MIDEAS: variants seen among roughly 807,000 people sequenced by gnomAD.
The protein encoded by MIDEAS is mitotic deacetylase-associated SANT domain protein.
A neutral mutation model predicts 102.7 loss-of-function variants in MIDEAS; 26 were observed. The observed-to-expected ratio is 0.25, with a 90% confidence interval of 0.19 to 0.35. MIDEAS has a LOEUF of 0.35. Ranked by LOEUF, MIDEAS falls within the 10% of genes least tolerant of loss-of-function variation. The pLI is 1.00. For synonymous variants in MIDEAS, 585 were observed against 591.0 expected (o/e 0.99, Z 0.15); for missense variants, 1,231 against 1,435.6 (o/e 0.86, Z 2.30).
chr14:73,731,979 T>C (rs938574118), intron 3 of MIDEAS, among the ~76,000 whole-genome samples: 3 of 152,202 alleles, frequency 2.0e-5, no homozygotes, highest in African/African-American at 7.2e-5. Context: ...CAGGCAGGGA[T>C]TGAGGAGATC....
At chr14:73,734,465 T>C (rs148799275) in intron 3 of MIDEAS, among the ~76,000 whole-genome samples, 23,030 of 152,180 alleles carry the variant, frequency 0.15, 2,091 homozygotes, top group South Asian at 0.28. Context: ...TGGAGTGCAG[T>C]GGCACAATCA....
At chr14:73,730,196 A>T (rs779365902) in intron 3 of MIDEAS, 17 of 712,476 alleles carry the variant, frequency 2.4e-5, no homozygotes, top group Non-Finnish European at 3.6e-5. Context: ...GGGGCCAGAG[A>T]GTAAATATTT....
Position 73,738,854 on chromosome 14 carries a change from C to T in MIDEAS, c.1155G>A (p.Pro385=), listed in dbSNP as rs375596571. The T allele has an allele frequency of 1.5e-5, 24 of 1,570,834 alleles. No homozygotes were observed. The highest frequency in any genetic ancestry group is 2.7e-5 in the African/African-American group (2 of 73,732). ...GGGGCTGCCCCAGGGAGCCAGGTGG[C>T]GGCTGCTGCAGGGGCCAGTGATGTA... The part of the protein sequence containing the change: ...LFLHHWPLQQ[P]PPGSLGQPHP... The change falls in exon 2 of 13, where the codon CCG becomes CCA. Residue 385 remains proline, a synonymous_variant. Coordinates refer to ENST00000423556, the MANE Select transcript of MIDEAS (RefSeq NM_001367710.1).
At chr14:73,720,242 T>A (rs1448100736) in intron 11 of MIDEAS, among the ~76,000 whole-genome samples, 1 of 148,050 alleles carries the variant, frequency 6.8e-6, no homozygotes, top group Non-Finnish European at 1.5e-5. Context: ...ATTCCTTTTT[T>A]TTTTTTTTTT....
rs769463597 is a variant in MIDEAS, at chr14:73,721,287, T to A, written c.2937+10A>T. ...TTGCCCTGGGCTCAGCCCATGGTGGTCACACTCACCGACTCATTGGCCTGT... is the reference window on the plus strand; with the variant it reads ...TTGCCCTGGGCTCAGCCCATGGTGGACACACTCACCGACTCATTGGCCTGT... On this transcript the variant is annotated intron_variant, in intron 11 of 12. Coordinates refer to ENST00000423556, the MANE Select transcript of MIDEAS (RefSeq NM_001367710.1). 3.7e-6 allele frequency: 6 copies of A among 1,611,096 alleles called. No individual in the cohort carries two copies. In the East Asian group the frequency reaches 1.3e-4, roughly 36 times the overall value.
In MIDEAS at chr14:73,738,892, C is replaced by T. The variant is rs1478831405; in HGVS notation, c.1117G>A (p.Gly373Ser). 1.3e-6 allele frequency: 2 copies of T among 1,547,522 alleles called. No homozygotes were observed. Among genetic ancestry groups the T allele is most frequent in the Non-Finnish European group, 1.7e-6 (2 of 1,147,002 alleles). Reference sequence around the variant, plus strand: ...GGCCAGTGATGTAGGAACAGGTTGCCAGTGGCCTCCTGCCCAGGCTGGGTG... The same window carrying T: ...GGCCAGTGATGTAGGAACAGGTTGCTAGTGGCCTCCTGCCCAGGCTGGGTG... ...AGTQPGQEAT[G>S]NLFLHHWPLQ... Residue 373 changes from glycine (G) to serine (S), a missense_variant, in exon 2 of 13, where the codon GGC (glycine) becomes AGC (serine). Gly to Ser is a moderately conservative substitution (Grantham distance 56). Around this residue, in one of 5 missense-constraint regions of MIDEAS, gnomAD observed 758 missense variants for 856.0 expected, o/e 0.89. Coordinates refer to ENST00000423556, the MANE Select transcript of MIDEAS (RefSeq NM_001367710.1).
chr14:73,718,944 C>T lies in MIDEAS; in HGVS notation c.3199G>A (p.Ala1067Thr), dbSNP rs941083275. The T allele has an allele frequency of 3.7e-5, 57 of 1,524,670 alleles. No individual in the cohort carries two copies. Among genetic ancestry groups the T allele is most frequent in the Non-Finnish European group, 4.6e-5 (53 of 1,143,034 alleles). The allele number at this position is 1,524,670 out of a possible 1,614,324, so 94.4% of individuals were successfully genotyped here. The change falls in exon 13 of 13, where the codon GCT (alanine) becomes ACT (threonine). Residue 1067 changes from alanine (A) to threonine (T), a missense_variant. Coordinates refer to ENST00000423556, the MANE Select transcript of MIDEAS (RefSeq NM_001367710.1). ...TTCTCCTTCAGCCTCAGCGCTGCAGCCTTCTTCTCCTGCTCTGCGTGGCTC... is the reference window on the plus strand; with the variant it reads ...TTCTCCTTCAGCCTCAGCGCTGCAGTCTTCTTCTCCTGCTCTGCGTGGCTC... ...MKSHAEQEKK[A>T]AALRLKEKEA... is the part of the protein sequence containing the mutation.
Position 73,782,200 on chromosome 14 carries a change from G to C in MIDEAS, c.-248+4902C>G, listed in dbSNP as rs980120942. 3.9e-5 allele frequency among the ~76,000 whole-genome samples: 6 copies of C among 152,158 alleles called. No homozygotes were observed. In the East Asian group the frequency reaches 1.2e-3, roughly 29 times the overall value. On this transcript the variant is annotated intron_variant, in intron 1 of 11. Transcript: ENST00000394071. ...ATTAACAGCATGAGGACTGGCTAAA[G>C]GCAACACAGTCCTCCTAGCCAAGTC...
At chr14:73,780,720 A>G (rs2053747633) in intron 1 of MIDEAS, among the ~76,000 whole-genome samples, 4 of 152,108 alleles carry the variant, frequency 2.6e-5, no homozygotes, top group Non-Finnish European at 1.5e-5. Context: ...AACTGGGAGC[A>G]TTCCTCTGTC....
intron 1 of MIDEAS, among the ~76,000 whole-genome samples, chr14:73,777,260 C>T (rs1429974496): frequency 6.6e-6 from 1 of 151,884 alleles, no homozygotes; most frequent in Non-Finnish European, 1.5e-5. Flanking sequence ...GATGCCAGGT[C>T]AGCAGCATCG....
chr14:73,738,751 C>A lies in MIDEAS; in HGVS notation c.1258G>T (p.Gly420Cys). The A allele has an allele frequency of 6.2e-7, 1 of 1,610,188 alleles. No individual in the cohort carries two copies. Among genetic ancestry groups the A allele is most frequent in the South Asian group, 1.1e-5 (1 of 90,654 alleles). Residue 420 changes from glycine to cysteine, a missense_variant, in exon 2 of 13, where the codon GGC (glycine) becomes TGC (cysteine). Around this residue, in one of 5 missense-constraint regions of MIDEAS, gnomAD observed 758 missense variants for 856.0 expected, o/e 0.89. Coordinates refer to ENST00000423556, the MANE Select transcript of MIDEAS (RefSeq NM_001367710.1). ...ATGGCAGGAGCCTCTCGCTCCCGGC[C>A]ATTGGGTGCTAGTCTCTCCCCATCA... ...LPDGERLAPN[G>C]REREAPAMGS...
chr14:73,780,201 C>T (rs963838801), intron 1 of MIDEAS, among the ~76,000 whole-genome samples: 1 of 148,702 alleles, frequency 6.7e-6, no homozygotes, highest in African/African-American at 2.4e-5. Context: ...TCATATTACA[C>T]ACTGACTTTA....
intron 1 of MIDEAS, among the ~76,000 whole-genome samples, chr14:73,745,179 G>A (rs2053334978): frequency 6.6e-6 from 1 of 152,208 alleles, no homozygotes; most frequent in Non-Finnish European, 1.5e-5. Flanking sequence ...CTGGGATGAA[G>A]TGAAAAGGCC....
At position 73,718,012 on chromosome 14, in the gene MIDEAS, T is replaced by C. The variant is rs551523676; in HGVS notation, c.*831A>G. 1 of 152,220 alleles carries C rather than the reference T, an allele frequency of 6.6e-6. No individual in the cohort carries two copies. The highest frequency in any genetic ancestry group is 1.9e-4 in the East Asian group (1 of 5,160). 9.4% of individuals were successfully genotyped at this position (152,220 alleles called of 1,614,324 possible). ...CTTGGCAGCCTCCAGGACCCAAAGG[T>C]ATTCAGCCAAAAAGGTGGGAAGCAG... On this transcript the variant is annotated 3_prime_UTR_variant, in exon 13 of 13. Coordinates refer to ENST00000423556, the MANE Select transcript of MIDEAS (RefSeq NM_001367710.1).
intron 1 of MIDEAS, among the ~76,000 whole-genome samples, chr14:73,786,697 G>C (rs886885875): frequency 2.0e-5 from 3 of 152,216 alleles, no homozygotes; most frequent in Admixed American, 6.5e-5. Flanking sequence ...CCCTCGACAA[G>C]GGCTGCGAAG....
chr14:73,729,464 C>G lies in MIDEAS; in HGVS notation c.2095+176G>C, dbSNP rs114699958. ...TGAATCCAAGCAGCTGGGCGGGCCC[C>G]CCACCCCTCCTTGTTGAACCAGGAC... On this transcript the variant is annotated intron_variant, in intron 4 of 12. Transcript: ENST00000423556. Among the ~76,000 whole-genome samples the G allele has an allele frequency of 9.3e-3, 1,423 of 152,284 alleles. 27 individuals are homozygous for G. Among genetic ancestry groups the G allele is most frequent in the African/African-American group, 0.033 (1,354 of 41,546 alleles).
chr14:73,719,576 C>T, intron 11 of MIDEAS, 75 bp from the exon 12 acceptor site: 3 of 1,469,974 alleles, frequency 2.0e-6, no homozygotes, highest in Non-Finnish European at 2.8e-6. Context: ...CGCAGGGAAC[C>T]GGGGGCCTGA....
intron 3 of MIDEAS, among the ~76,000 whole-genome samples, chr14:73,736,112 T>C (rs1024329237): frequency 3.3e-5 from 5 of 151,552 alleles, no homozygotes; most frequent in African/African-American, 7.3e-5. Context: ...GATCTCGCCA[T>C]TGCACTCCAG....
chr14:73,757,279 C>CAAAAAACAAAAAAAAAA (rs2053495304), intron 1 of MIDEAS, among the ~76,000 whole-genome samples: 1 of 67,718 alleles, frequency 1.5e-5, no homozygotes, highest in African/African-American at 8.3e-5. Context: ...CTCTAACAAC[C>CAAAAAACAAAAAAAAAA]AAAAAAAAAA....
Sources: allele counts gnomAD v4.1 joint callset (sites outside exome capture counted in the v4.1 genomes callset), GRCh38; gene constraint gnomAD v4.1.1; regional missense constraint gnomAD v4.1.1; transcripts MANE v1.5; gene names NCBI Gene and HGNC (gene_info 2026-07-23, HGNC 2026-07-21).